Variants in MAGI2 observed in about 807,000 individuals in gnomAD.
The protein encoded by MAGI2 is membrane-associated guanylate kinase, WW and PDZ domain-containing protein 2.
A neutral mutation model predicts 133.3 loss-of-function variants in MAGI2; 35 were observed. The observed-to-expected ratio is 0.26, with a 90% CI of 0.20 to 0.35. MAGI2 has a LOEUF of 0.35. MAGI2 is among the 10% of genes least tolerant of loss of function. MAGI2 has a pLI of 1.00. For synonymous variants in MAGI2, 729 were observed against 710.6 expected (o/e 1.03, Z -0.41); for missense variants, 1,636 against 1,863.4 (o/e 0.88, Z 2.25).
At chr7:78,071,273 T>C (rs929065119) in intron 21 of MAGI2, among the ~76,000 whole-genome samples, 5 of 152,008 alleles carry the variant, frequency 3.3e-5, no homozygotes, top group African/African-American at 7.2e-5. Context: ...TGGTGGCTCA[T>C]GCCTGTAATC....
intron 6 of MAGI2, among the ~76,000 whole-genome samples, chr7:78,465,391 G>A (rs1790514657): frequency 6.6e-6 from 1 of 152,168 alleles, no homozygotes; most frequent in African/African-American, 2.4e-5. Flanking sequence ...TAGAGAGCAT[G>A]AGGTTTACCT....
At chr7:79,419,074 T>G (rs577752604) in intron 1 of MAGI2, among the ~76,000 whole-genome samples, 1 of 152,234 alleles carries the variant, frequency 6.6e-6, no homozygotes, top group African/African-American at 2.4e-5. Context: ...TAATTTATTT[T>G]ACTTAATACT....
At chr7:79,382,245 T>C (rs1321593377) in intron 1 of MAGI2, among the ~76,000 whole-genome samples, 1 of 151,770 alleles carries the variant, frequency 6.6e-6, no homozygotes, top group Non-Finnish European at 1.5e-5. Flanking sequence ...AGAGATTTCT[T>C]TGAATTATAA....
chr7:78,945,866 G>A (rs1801377813), intron 2 of MAGI2, among the ~76,000 whole-genome samples: 1 of 152,008 alleles, frequency 6.6e-6, no homozygotes, highest in Admixed American at 6.6e-5. Flanking sequence ...TTCATCTTCG[G>A]GATCTTCCTC....
Position 78,566,551 on chromosome 7 carries a change from C to A in MAGI2, c.539-44906G>T, listed in dbSNP as rs973788343. Reference sequence around the variant, plus strand: ...CACAGTTTAAAAAAAAAAAAAAAAACAGAGGAAAACCAAGGTTCAAATGGA... The same window carrying A: ...CACAGTTTAAAAAAAAAAAAAAAAAAAGAGGAAAACCAAGGTTCAAATGGA... On this transcript the variant is annotated intron_variant, in intron 3 of 21. Coordinates refer to ENST00000354212, the MANE Select transcript of MAGI2 (RefSeq NM_012301.4). 1.0e-2 allele frequency among the ~76,000 whole-genome samples: 1,057 copies of A among 105,968 alleles called. 4 individuals carry two copies. The highest frequency in any genetic ancestry group is 0.016 in the Non-Finnish European group (778 of 48,852). The allele number at this position is 105,968 out of a possible 152,430, so 69.5% of individuals were successfully genotyped here.
At chr7:78,075,169 G>A (rs1815143799) in intron 21 of MAGI2, among the ~76,000 whole-genome samples, 1 of 152,116 alleles carries the variant, frequency 6.6e-6, no homozygotes, top group Non-Finnish European at 1.5e-5. Context: ...AAAACCTTGG[G>A]CACTGAGTCT....
intron 9 of MAGI2, among the ~76,000 whole-genome samples, chr7:78,281,469 GAAGT>G (rs557734715): frequency 2.5e-4 from 38 of 152,208 alleles, no homozygotes; most frequent in African/African-American, 5.3e-4. Context: ...GCCACTTTGT[GAAGT>G]AAGTAAGTGC....
chr7:78,365,829 AT>A (rs1793318610), intron 7 of MAGI2, among the ~76,000 whole-genome samples: 1 of 152,172 alleles, frequency 6.6e-6, no homozygotes, highest in South Asian at 2.1e-4. Context: ...TCTGCTATTG[AT>A]TGTTGCAATT....
intron 6 of MAGI2, among the ~76,000 whole-genome samples, chr7:78,387,956 AT>A (rs1186344211): frequency 1.3e-5 from 2 of 150,972 alleles, no homozygotes. Flanking sequence ...AAATAAATAA[AT>A]AAATAAATAA....
intron 2 of MAGI2, among the ~76,000 whole-genome samples, chr7:78,920,332 A>G (rs959673186): frequency 2.6e-4 from 40 of 152,188 alleles, no homozygotes; most frequent in African/African-American, 9.6e-4. Flanking sequence ...ATCAATTAAC[A>G]CATATCAATG....
At chr7:79,065,314 T>G (rs915837125) in intron 1 of MAGI2, among the ~76,000 whole-genome samples, 3 of 152,108 alleles carry the variant, frequency 2.0e-5, no homozygotes. Flanking sequence ...ACTTATTTGC[T>G]TATAAACAAG....
intron 2 of MAGI2, among the ~76,000 whole-genome samples, chr7:78,644,992 C>T (rs531564942): frequency 1.3e-5 from 2 of 151,982 alleles, no homozygotes; most frequent in African/African-American, 4.8e-5. Context: ...TAAATTTATG[C>T]CAATATATTT....
chr7:79,362,042 A>G (rs1842409065), intron 1 of MAGI2, among the ~76,000 whole-genome samples: 1 of 152,152 alleles, frequency 6.6e-6, no homozygotes, highest in Non-Finnish European at 1.5e-5. Flanking sequence ...CAAAGCAAGT[A>G]GAAACAAGGA....
chr7:78,248,083 AATGTC>A (rs1314288439), intron 10 of MAGI2, among the ~76,000 whole-genome samples: 1 of 152,188 alleles, frequency 6.6e-6, no homozygotes, highest in East Asian at 1.9e-4. Flanking sequence ...CAATGAGAAA[AATGTC>A]AAGTCATACA....
intron 8 of MAGI2, 106 bp from the exon 9 acceptor site, chr7:78,344,066 G>T (rs987158739): frequency 1.5e-5 from 15 of 969,284 alleles, no homozygotes; most frequent in East Asian, 2.7e-5. Context: ...GGGTAAATGT[G>T]GGGGGTCTTA....
chr7:78,216,584 TC>T (rs1788296220), intron 10 of MAGI2, among the ~76,000 whole-genome samples: 2 of 152,318 alleles, frequency 1.3e-5, no homozygotes, highest in South Asian at 4.1e-4. Context: ...TTCAGACTCT[TC>T]AGTCTCCCTC....
intron 1 of MAGI2, among the ~76,000 whole-genome samples, chr7:79,249,139 C>T (rs538793137): frequency 1.3e-5 from 2 of 152,236 alleles, no homozygotes; most frequent in South Asian, 4.1e-4. Context: ...TGAGCCACTG[C>T]ACCCAGCCTA....
intron 6 of MAGI2, among the ~76,000 whole-genome samples, chr7:78,415,141 C>T (rs1224780866): frequency 6.6e-6 from 1 of 152,070 alleles, no homozygotes; most frequent in Non-Finnish European, 1.5e-5. Context: ...AAGCCTGTGC[C>T]TTACCTTCCT....
chr7:79,376,401 A>G (rs1188374679), intron 1 of MAGI2, among the ~76,000 whole-genome samples: 2 of 151,950 alleles, frequency 1.3e-5, no homozygotes, highest in Non-Finnish European at 2.9e-5. Context: ...TTGAGGTAAT[A>G]AAATGCCTAC....
Sources: allele counts gnomAD v4.1 joint callset (sites outside exome capture counted in the v4.1 genomes callset), GRCh38; gene constraint gnomAD v4.1.1; transcripts MANE v1.5; gene names NCBI Gene and HGNC (gene_info 2026-07-23, HGNC 2026-07-21).